The following COLEC10 variants were observed in gnomAD, a reference collection of about 807,000 sequenced individuals.
The protein encoded by COLEC10 is collectin-10.
Under a neutral mutation model 28.4 loss-of-function variants are expected in COLEC10, and 22 were observed. The ratio of observed to expected loss-of-function variants is 0.78; its 90% CI spans 0.55 to 1.11. The LOEUF is 1.11. Among genes scored for constraint, COLEC10 ranks in the 50% least tolerant of loss-of-function variants. The probability of loss-of-function intolerance (pLI) is 0.00; values close to 1 mark genes in which losing one functional copy is unlikely to be tolerated. For synonymous variants in COLEC10, 125 were observed against 116.1 expected, an observed-to-expected ratio of 1.08 and a Z score of -0.49; for missense variants, 361 against 344.1, an observed-to-expected ratio of 1.05 and a Z score of -0.39.
chr8:119,078,986 AACGTACACACACACACACACAC>A (rs1815309740), intron 1 of COLEC10, among the ~76,000 whole-genome samples: 1 of 141,794 alleles, frequency 7.1e-6, no homozygotes, highest in African/African-American at 2.6e-5. Context: ...GCTCTGGGAA[AACGTACACACACACACACACAC>A]ACACACACAC....
chr8:119,014,794 A>G (rs771519691), intron 2 of COLEC10, among the ~76,000 whole-genome samples: 27 of 150,914 alleles, frequency 1.8e-4, no homozygotes, highest in Admixed American at 3.3e-4. Context: ...TCCATTTTGG[A>G]AATATCTATT....
At chr8:118,958,382 T>C in the COLEC10 span, among the ~76,000 whole-genome samples, 1 of 152,132 alleles carries the variant, frequency 6.6e-6, no homozygotes, top group Non-Finnish European at 1.5e-5. Flanking sequence ...CTGGGAGGAG[T>C]TCCACTAAAG....
At chr8:118,994,042 C>T (rs1283494079), upstream of COLEC10, among the ~76,000 whole-genome samples, 1 of 152,132 alleles carries the variant, frequency 6.6e-6, no homozygotes, top group East Asian at 1.9e-4. Context: ...AAATGGAGAA[C>T]ATATTGTCCC....
chr8:118,974,495 C>T, the COLEC10 span, among the ~76,000 whole-genome samples: 1 of 151,934 alleles, frequency 6.6e-6, no homozygotes, highest in Non-Finnish European at 1.5e-5. Context: ...ATTCAGTTAC[C>T]TTTACTGCTG....
chr8:119,104,672 TCA>T (rs1042835757), intron 5 of COLEC10, among the ~76,000 whole-genome samples: 2 of 152,184 alleles, frequency 1.3e-5, no homozygotes, highest in African/African-American at 4.8e-5. Context: ...ATTGTTGGAA[TCA>T]CATAGATGCT....
At chr8:118,998,576 C>T (rs192904708) in intron 1 of COLEC10, among the ~76,000 whole-genome samples, 65 of 151,930 alleles carry the variant, frequency 4.3e-4, no homozygotes, top group African/African-American at 1.5e-3. Flanking sequence ...TGGTGGCTCA[C>T]GCCTGTAATC....
At chr8:119,044,242 T>A (rs1263641205) in intron 2 of COLEC10, among the ~76,000 whole-genome samples, 1 of 152,236 alleles carries the variant, frequency 6.6e-6, no homozygotes, top group Non-Finnish European at 1.5e-5. Context: ...AATGCCAAGA[T>A]CCACATTTTA....
In COLEC10 at chr8:119,106,271, T is replaced by C. The variant is rs1460163333; in HGVS notation, c.*80T>C. ...TTATCCATCCTTTTTTTCCTGATTG[T>C]ACTACATTTGATCTGAGTCAACATA... is the stretch of plus-strand genomic sequence containing the variant. On this transcript the variant is annotated 3_prime_UTR_variant, in exon 6 of 6. Transcript: ENST00000332843. 7.0e-7 allele frequency: 1 copy of C among 1,430,104 alleles called. No homozygotes were observed. The highest frequency in any genetic ancestry group is 9.5e-7 in the Non-Finnish European group (1 of 1,050,088). The allele number at this position is 1,430,104 out of a possible 1,614,324, so 88.6% of individuals were successfully genotyped here. A position where few individuals can be genotyped will look rare whatever the true frequency, so the allele number is the denominator to read the frequency against.
At chr8:118,978,941 T>C in the COLEC10 span, among the ~76,000 whole-genome samples, 1 of 152,082 alleles carries the variant, frequency 6.6e-6, no homozygotes, top group Non-Finnish European at 1.5e-5. Context: ...ATTTTACAAA[T>C]CTAATTTACC....
At chr8:118,980,434 C>T in the COLEC10 span, among the ~76,000 whole-genome samples, 3 of 151,972 alleles carry the variant, frequency 2.0e-5, no homozygotes, top group Admixed American at 2.0e-4. Flanking sequence ...CTCAGGTGAT[C>T]TGCCGGTCTC....
At chr8:119,022,870 C>A (rs1563719711) in intron 2 of COLEC10, among the ~76,000 whole-genome samples, 1 of 152,048 alleles carries the variant, frequency 6.6e-6, no homozygotes, top group Non-Finnish European at 1.5e-5. Context: ...TGCCCAAGGC[C>A]CTCCATACCC....
intron 1 of COLEC10, among the ~76,000 whole-genome samples, chr8:119,000,553 A>C (rs1813676984): frequency 6.6e-6 from 1 of 152,158 alleles, no homozygotes; most frequent in Admixed American, 6.6e-5. Flanking sequence ...GAGTGCTTGC[A>C]AGGGAGTGAT....
the COLEC10 span, among the ~76,000 whole-genome samples, chr8:118,970,284 C>T: frequency 6.6e-6 from 1 of 152,036 alleles, no homozygotes; most frequent in Admixed American, 6.6e-5. Flanking sequence ...AGCAGAGCCA[C>T]TGCCTGTATG....
intron 2 of COLEC10, among the ~76,000 whole-genome samples, chr8:119,027,359 C>A: frequency 6.6e-6 from 1 of 152,112 alleles, no homozygotes; most frequent in East Asian, 1.9e-4. Flanking sequence ...ATATTCATGA[C>A]CCCTCTCTAG....
At chr8:119,093,595 C>T (rs1019231865) in intron 3 of COLEC10, among the ~76,000 whole-genome samples, 2 of 152,044 alleles carry the variant, frequency 1.3e-5, no homozygotes, top group African/African-American at 4.8e-5. Flanking sequence ...CCATATACCT[C>T]GATAAAATTT....
At chr8:119,087,090 T>A (rs1185688812) in intron 1 of COLEC10, among the ~76,000 whole-genome samples, 1 of 152,228 alleles carries the variant, frequency 6.6e-6, no homozygotes, top group Admixed American at 6.5e-5. Flanking sequence ...GTATGTCAAG[T>A]GCTAAGAACA....
At chr8:118,984,363 A>C in the COLEC10 span, among the ~76,000 whole-genome samples, 1 of 152,218 alleles carries the variant, frequency 6.6e-6, no homozygotes, top group Middle Eastern at 3.4e-3. Flanking sequence ...GGAGAGGATC[A>C]TAAAAAACAA....
chr8:118,991,889 GTAT>G (rs1367223117), upstream of COLEC10, among the ~76,000 whole-genome samples: 1 of 152,012 alleles, frequency 6.6e-6, no homozygotes, highest in South Asian at 2.1e-4. Flanking sequence ...CAAGAGACAG[GTAT>G]TATTATTCTT....
At chr8:119,089,941 A>G (rs541941533) in intron 2 of COLEC10, among the ~76,000 whole-genome samples, 190 bp downstream of exon 2, 29 of 152,320 alleles carry the variant, frequency 1.9e-4, no homozygotes. Context: ...AGACTCTCAT[A>G]TGTTTCTCAA....
Sources: gnomAD v4.1 joint callset for allele counts (sites outside exome capture counted in the v4.1 genomes callset) on GRCh38, gnomAD v4.1.1 for gene constraint, MANE v1.5 for transcripts, NCBI Gene and HGNC (gene_info 2026-07-23, HGNC 2026-07-21) for gene names.